TRPM3: variants seen among roughly 807,000 people sequenced by gnomAD.
The protein encoded by TRPM3 is long transient receptor potential channel 3.
A neutral mutation model predicts 181.2 loss-of-function variants in TRPM3; 77 were observed. The ratio of observed to expected loss-of-function variants is 0.42; its 90% confidence interval spans 0.35 to 0.51. The LOEUF is 0.51. Among genes scored for constraint, TRPM3 ranks in the 20% least tolerant of loss-of-function variants. The pLI is 0.01. For synonymous variants in TRPM3, 745 were observed against 796.4 expected, an observed-to-expected ratio of 0.94 and a Z score of 1.09; for missense variants, 1,759 against 2,196.7, an observed-to-expected ratio of 0.80 and a Z score of 3.98.
At chr9:71,088,459 C>T (rs913685862) in intron 1 of TRPM3, among the ~76,000 whole-genome samples, 1 of 152,050 alleles carries the variant, frequency 6.6e-6, no homozygotes, top group African/African-American at 2.4e-5. Context: ...TGGGAACCAA[C>T]ATAATCTTTA....
At chr9:70,973,068 A>T (rs1272289748) in intron 1 of TRPM3, among the ~76,000 whole-genome samples, 1 of 152,204 alleles carries the variant, frequency 6.6e-6, no homozygotes, top group Admixed American at 6.5e-5. Context: ...CAGGTGAGAC[A>T]AAATAAGATT....
chr9:70,795,592 G>A (rs2086822713), intron 6 of TRPM3, among the ~76,000 whole-genome samples: 1 of 152,124 alleles, frequency 6.6e-6, no homozygotes, highest in Non-Finnish European at 1.5e-5. Flanking sequence ...TCCTGCTTTG[G>A]GATAGGTGGC....
chr9:70,670,105 T>G (rs918353472), intron 9 of TRPM3, among the ~76,000 whole-genome samples: 12 of 152,130 alleles, frequency 7.9e-5, no homozygotes, highest in Admixed American at 7.2e-4. Flanking sequence ...TGAGATAGTA[T>G]GATACTGCGA....
At chr9:71,206,704 T>A (rs1265171598) in intron 1 of TRPM3, among the ~76,000 whole-genome samples, 2 of 152,142 alleles carry the variant, frequency 1.3e-5, no homozygotes, top group South Asian at 4.1e-4. Flanking sequence ...TCTTCTAGGA[T>A]TTTTATGGTT....
intron 1 of TRPM3, among the ~76,000 whole-genome samples, chr9:71,435,642 T>G (rs2094020958): frequency 6.6e-6 from 1 of 152,200 alleles, no homozygotes; most frequent in African/African-American, 2.4e-5. Context: ...TCCATAACAT[T>G]TTCTAGTGAA....
intron 7 of TRPM3, among the ~76,000 whole-genome samples, chr9:70,780,177 C>CT (rs1400403843): frequency 1.3e-5 from 2 of 151,810 alleles, no homozygotes; most frequent in Admixed American, 6.6e-5. Flanking sequence ...AAATGTAAGG[C>CT]TTTTTTTTAC....
At chr9:70,679,166 A>T (rs550937704) in intron 9 of TRPM3, among the ~76,000 whole-genome samples, 1 of 152,340 alleles carries the variant, frequency 6.6e-6, no homozygotes, top group South Asian at 2.1e-4. Flanking sequence ...TTTAAAAGAA[A>T]AGAATAGATT....
chr9:71,410,256 A>C (rs2093519540), intron 1 of TRPM3, among the ~76,000 whole-genome samples: 1 of 151,636 alleles, frequency 6.6e-6, no homozygotes. Flanking sequence ...AAAAACTATG[A>C]TCAGAGCAGA....
intron 1 of TRPM3, among the ~76,000 whole-genome samples, chr9:71,153,011 T>C (rs1396437646): frequency 6.6e-6 from 1 of 152,100 alleles, no homozygotes; most frequent in Non-Finnish European, 1.5e-5. Flanking sequence ...TAGTGGCCAA[T>C]GGCTGTCATG....
At chr9:71,029,649 C>T (rs979561772) in intron 1 of TRPM3, among the ~76,000 whole-genome samples, 6 of 152,066 alleles carry the variant, frequency 3.9e-5, no homozygotes, top group African/African-American at 1.4e-4. Flanking sequence ...TATTTCAGTA[C>T]ATATGTTCTT....
At chr9:71,206,284 C>T (rs1247695679) in intron 1 of TRPM3, among the ~76,000 whole-genome samples, 1 of 152,094 alleles carries the variant, frequency 6.6e-6, no homozygotes, top group Non-Finnish European at 1.5e-5. Flanking sequence ...TAGAGATCGC[C>T]GTTCTAACTG....
intron 1 of TRPM3, among the ~76,000 whole-genome samples, chr9:71,308,377 T>C (rs1000424811): frequency 2.6e-5 from 4 of 152,114 alleles, no homozygotes; most frequent in Non-Finnish European, 5.9e-5. Flanking sequence ...TTCAGGAAAA[T>C]TGAGGGGAAG....
Position 70,610,760 on chromosome 9 carries a change from A to G in TRPM3, c.2527-11T>C. ...TCGTCCCAACATTGCCTATGTTGGA[A>G]GAGAATCGATACCATCATGACAGGG... On this transcript the variant is annotated splice_polypyrimidine_tract_variant and intron_variant, in intron 18 of 25. Transcript: ENST00000677713. 6.2e-7 allele frequency: 1 copy of G among 1,613,856 alleles called. No homozygotes were observed. The highest frequency in any genetic ancestry group is 8.5e-7 in the Non-Finnish European group (1 of 1,179,850).
intron 19 of TRPM3, among the ~76,000 whole-genome samples, chr9:70,609,923 C>T (rs1048097612): frequency 1.2e-4 from 18 of 151,554 alleles, no homozygotes; most frequent in African/African-American, 3.2e-4. Flanking sequence ...AAAAAAAAAT[C>T]ACTGAACAGT....
intron 25 of TRPM3, among the ~76,000 whole-genome samples, chr9:70,539,183 T>C (rs1347090318): frequency 2.0e-5 from 3 of 152,200 alleles, no homozygotes; most frequent in African/African-American, 4.8e-5. Context: ...CTGCAGTCTG[T>C]GGGGGTGGTG....
intron 1 of TRPM3, among the ~76,000 whole-genome samples, chr9:71,138,015 G>A (rs1173340842): frequency 6.6e-6 from 1 of 152,004 alleles, no homozygotes; most frequent in Non-Finnish European, 1.5e-5. Flanking sequence ...TCAGGAGGCT[G>A]AGGCAGGAGA....
intron 1 of TRPM3, among the ~76,000 whole-genome samples, chr9:71,436,828 A>G (rs2094048607): frequency 6.6e-6 from 1 of 152,216 alleles, no homozygotes; most frequent in African/African-American, 2.4e-5. Flanking sequence ...TGAGATAATA[A>G]ATACATGTTA....
chr9:71,408,305 T>C (rs1474047502), intron 1 of TRPM3, among the ~76,000 whole-genome samples: 2 of 152,130 alleles, frequency 1.3e-5, no homozygotes, highest in Non-Finnish European at 2.9e-5. Context: ...CGAACTTCTC[T>C]GAGCTAAGGG....
chr9:70,857,941 C>T (rs1314807729), intron 3 of TRPM3, among the ~76,000 whole-genome samples: 1 of 152,164 alleles, frequency 6.6e-6, no homozygotes, highest in African/African-American at 2.4e-5. Context: ...GTGGCTTAAG[C>T]TCTGTGACAC....
Sources: gnomAD v4.1 joint callset for allele counts (sites outside exome capture counted in the v4.1 genomes callset) on GRCh38, gnomAD v4.1.1 for gene constraint, MANE v1.5 for transcripts, NCBI Gene and HGNC (gene_info 2026-07-23, HGNC 2026-07-21) for gene names.